Variants in ZNF248 observed in about 807,000 individuals in gnomAD.
ZNF248 encodes the protein zinc finger protein 248, also known as KRAB protein domain.
A neutral mutation model predicts 44.3 loss-of-function variants in ZNF248; 20 were observed. The ratio of observed to expected loss-of-function variants is 0.45; its 90% CI spans 0.32 to 0.66. The LOEUF (loss-of-function observed/expected upper bound fraction) is 0.66. Among genes scored for constraint, ZNF248 ranks in the 30% least tolerant of loss-of-function variants. The probability of loss-of-function intolerance (pLI) is 0.04; values close to 1 mark genes in which losing one functional copy is unlikely to be tolerated. For synonymous variants in ZNF248, 224 were observed against 229.0 expected, an observed-to-expected ratio of 0.98 and a Z score of 0.20; for missense variants, 654 against 677.0, an observed-to-expected ratio of 0.97 and a Z score of 0.38.
intron 6 of ZNF248, among the ~76,000 whole-genome samples, chr10:37,782,828 C>T (rs1341289036): frequency 1.3e-5 from 2 of 152,110 alleles, no homozygotes; most frequent in Non-Finnish European, 2.9e-5. Context: ...TCAGAAAGAA[C>T]ATGGGCCTGC....
the ZNF248 span, among the ~76,000 whole-genome samples, chr10:37,761,068 T>G: frequency 6.6e-6 from 1 of 152,178 alleles, no homozygotes; most frequent in East Asian, 1.9e-4. Context: ...CCATCTGCCT[T>G]TCAAATGTCC....
intron 6 of ZNF248, chr10:37,819,624 C>T (rs1228965110): frequency 3.6e-6 from 3 of 823,496 alleles, no homozygotes; most frequent in Admixed American, 1.7e-5. Flanking sequence ...AGATTTCTAA[C>T]CCTTTCTAGC....
chr10:37,820,646 G>C, intron 6 of ZNF248: 1 of 1,511,328 alleles, frequency 6.6e-7, no homozygotes, highest in Non-Finnish European at 9.2e-7. Context: ...ATGTGGTTCG[G>C]CTTTTCTTTT....
chr10:37,854,035 C>CG (rs1215438737), intron 3 of ZNF248, among the ~76,000 whole-genome samples: 1 of 152,002 alleles, frequency 6.6e-6, no homozygotes, highest in Non-Finnish European at 1.5e-5. Flanking sequence ...CAGCACACAT[C>CG]GGGGGGTGGA....
the ZNF248 span, among the ~76,000 whole-genome samples, chr10:37,762,435 G>T: frequency 6.6e-6 from 1 of 152,158 alleles, no homozygotes; most frequent in Non-Finnish European, 1.5e-5. Context: ...ACAGACCTGG[G>T]ATTTGAGCCC....
At chr10:37,815,915 T>G (rs1464019614) in intron 6 of ZNF248, among the ~76,000 whole-genome samples, 6 of 151,548 alleles carry the variant, frequency 4.0e-5, no homozygotes, top group Admixed American at 4.0e-4. Context: ...CCTGGGCATG[T>G]GTGGCAACTT....
At chr10:37,825,642 T>C (rs188916346), downstream of ZNF248, among the ~76,000 whole-genome samples, 3 of 152,198 alleles carry the variant, frequency 2.0e-5, no homozygotes, top group East Asian at 5.8e-4. Flanking sequence ...GGTTTCACCA[T>C]ATTGCCCAGG....
chr10:37,805,443 A>C (rs2133285584), intron 6 of ZNF248, among the ~76,000 whole-genome samples: 1 of 152,338 alleles, frequency 6.6e-6, no homozygotes, highest in Non-Finnish European at 1.5e-5. Flanking sequence ...ACCAATCAGA[A>C]GCAGCCAACT....
chr10:37,782,233 TG>T (rs748904731), intron 6 of ZNF248, among the ~76,000 whole-genome samples: 9 of 152,188 alleles, frequency 5.9e-5, no homozygotes, highest in Non-Finnish European at 1.0e-4. Context: ...GGAAACAGAT[TG>T]TTTTTTTGAG....
intron 5 of ZNF248, among the ~76,000 whole-genome samples, chr10:37,835,756 A>G (rs958455912): frequency 1.2e-4 from 18 of 152,210 alleles, no homozygotes; most frequent in African/African-American, 3.4e-4. Flanking sequence ...AACATTTACT[A>G]TCTGGTCATT....
At chr10:37,817,253 C>T (rs1020460872) in intron 6 of ZNF248, among the ~76,000 whole-genome samples, 2 of 152,080 alleles carry the variant, frequency 1.3e-5, no homozygotes, top group African/African-American at 4.8e-5. Context: ...CACAGACTCT[C>T]ACTGTTCCTA....
intron 6 of ZNF248, among the ~76,000 whole-genome samples, chr10:37,805,657 T>A (rs530390635): frequency 6.6e-6 from 1 of 152,310 alleles, no homozygotes; most frequent in African/African-American, 2.4e-5. Context: ...TCTGTTTTTC[T>A]TGTAAGAGGA....
At chr10:37,759,920 G>A in the ZNF248 span, among the ~76,000 whole-genome samples, 9,135 of 152,236 alleles carry the variant, frequency 0.06, 353 homozygotes, top group Middle Eastern at 0.095. Context: ...TGGAAGAACC[G>A]CTAGGCAGGG....
At chr10:37,854,630 CAA>C (rs2060947242) in intron 3 of ZNF248, among the ~76,000 whole-genome samples, 1 of 152,136 alleles carries the variant, frequency 6.6e-6, no homozygotes, top group African/African-American at 2.4e-5. Flanking sequence ...AATGGGAAAA[CAA>C]AATAATACTA....
intron 3 of ZNF248, among the ~76,000 whole-genome samples, chr10:37,841,271 A>AATAGCCTGCTCTTGTTTTAT (rs1589788224): frequency 6.6e-6 from 1 of 152,292 alleles, no homozygotes; most frequent in East Asian, 1.9e-4. Context: ...GTTTTTCAGT[A>AATAGCCTGCTCTTGTTTTAT]ATAGCCTGCT....
chr10:37,827,771 G>A (rs1043066666), downstream of ZNF248, among the ~76,000 whole-genome samples: 1 of 152,160 alleles, frequency 6.6e-6, no homozygotes, highest in Non-Finnish European at 1.5e-5. Context: ...AGGGGTAGGG[G>A]TTGAAGGCAT....
At chr10:37,853,678 C>A (rs2060736966) in intron 3 of ZNF248, among the ~76,000 whole-genome samples, 1 of 152,062 alleles carries the variant, frequency 6.6e-6, no homozygotes, top group Non-Finnish European at 1.5e-5. Flanking sequence ...CGGTGCCCGG[C>A]CACCGGAATG....
intron 3 of ZNF248, among the ~76,000 whole-genome samples, chr10:37,854,096 A>C (rs1057157055): frequency 2.6e-5 from 4 of 152,226 alleles, no homozygotes; most frequent in Admixed American, 6.5e-5. Context: ...CATACAAGTA[A>C]ACTCCAAATG....
intron 6 of ZNF248, among the ~76,000 whole-genome samples, chr10:37,787,823 T>C (rs1328451979): frequency 6.6e-6 from 1 of 152,000 alleles, no homozygotes; most frequent in Non-Finnish European, 1.5e-5. Flanking sequence ...CAAAGCACAA[T>C]TCATATAAAA....
Sources: allele counts gnomAD v4.1 joint callset (sites outside exome capture counted in the v4.1 genomes callset), GRCh38; gene constraint gnomAD v4.1.1; transcripts MANE v1.5; gene names NCBI Gene and HGNC (gene_info 2026-07-23, HGNC 2026-07-21).